The following UPF2 variants were observed in gnomAD, a reference collection of about 807,000 sequenced individuals.
UPF2 encodes the protein regulator of nonsense transcripts 2.
A neutral mutation model predicts 141.4 loss-of-function variants in UPF2; 17 were observed. The ratio of observed to expected loss-of-function variants is 0.12; its 90% CI spans 0.08 to 0.18. The LOEUF (loss-of-function observed/expected upper bound fraction) is 0.18, where lower values mean the gene tolerates loss of function less well. UPF2 is among the 10% of genes least tolerant of loss of function. UPF2 has a pLI of 1.00. For synonymous variants in UPF2, 540 were observed against 498.0 expected (o/e 1.08, Z -1.12); for missense variants, 1,152 against 1,515.9 (o/e 0.76, Z 3.99).
intron 5 of UPF2, among the ~76,000 whole-genome samples, chr10:12,002,519 G>C (rs1833970629): frequency 6.6e-6 from 1 of 152,098 alleles, no homozygotes; most frequent in African/African-American, 2.4e-5. Context: ...CTTTATGCAA[G>C]GGATAATATT....
Position 12,042,755 on chromosome 10 carries a change from C to G in UPF2, c.-19G>C, listed in dbSNP as rs565226313. ...GGGAAGGAGGATCCCCGGGACTCAC[C>G]TCGAGCCTGTTGTCAACATTAGCCC... On this transcript the variant is annotated splice_region_variant and 5_prime_UTR_variant, in exon 1 of 22. Transcript: ENST00000357604. This position sits in a 1 kb window ranked among gnomAD's most constrained non-coding sequence, Gnocchi z 5.5. The G allele has an allele frequency of 6.6e-6, 1 of 152,510 alleles. No individual in the cohort carries two copies. The highest frequency in any genetic ancestry group is 2.4e-5 in the African/African-American group (1 of 41,552). 9.4% of individuals were successfully genotyped at this position (152,510 alleles called of 1,614,324 possible). A position where few individuals can be genotyped will look rare whatever the true frequency, so the allele number is the denominator to read the frequency against.
chr10:11,924,014 C>T (rs1832679982), intron 21 of UPF2, among the ~76,000 whole-genome samples: 1 of 152,158 alleles, frequency 6.6e-6, no homozygotes, highest in Non-Finnish European at 1.5e-5. Flanking sequence ...ACCATCTAAG[C>T]CATGTAAGTA....
chr10:12,026,966 A>G (rs1028035861), intron 3 of UPF2, among the ~76,000 whole-genome samples: 3 of 152,114 alleles, frequency 2.0e-5, no homozygotes, highest in African/African-American at 7.2e-5. Flanking sequence ...AAATTCCTAT[A>G]ATAATTTCTA....
chr10:11,929,149 AAAAT>A (rs1162484075), intron 21 of UPF2, among the ~76,000 whole-genome samples: 1 of 152,268 alleles, frequency 6.6e-6, no homozygotes, highest in Non-Finnish European at 1.5e-5. Flanking sequence ...TGTGTCTCAA[AAAAT>A]AAATAAGTAA....
At chr10:12,026,110 C>T (rs1834415207) in intron 3 of UPF2, among the ~76,000 whole-genome samples, 1 of 152,042 alleles carries the variant, frequency 6.6e-6, no homozygotes, top group African/African-American at 2.4e-5. Flanking sequence ...ATTAATAATA[C>T]ACATGTAATC....
chr10:11,955,470 C>G lies in UPF2; in HGVS notation c.2612G>C (p.Ser871Thr). 1.9e-6 allele frequency: 3 copies of G among 1,613,712 alleles called. No homozygotes were observed. ...GTAAAGTTCTCCTAAGAACTTGGCACTGCTGATGCGCCTCTGATTAAATTT... is the reference window on the plus strand; with the variant it reads ...GTAAAGTTCTCCTAAGAACTTGGCAGTGCTGATGCGCCTCTGATTAAATTT... ...QPKFNQRRIS[S>T]AKFLGELYNY... The change falls in exon 14 of 22, where the codon AGT (serine) becomes ACT (threonine). Residue 871 changes from serine to threonine, a missense_variant. By Grantham distance (58) the Ser-to-Thr change is moderately conservative. Around this residue, in one of 4 missense-constraint regions of UPF2, gnomAD observed 739 missense variants for 1,032.2 expected, o/e 0.72. Coordinates refer to ENST00000357604, the MANE Select transcript of UPF2 (RefSeq NM_015542.4).
chr10:11,969,529 A>C (rs1833380123), intron 9 of UPF2, among the ~76,000 whole-genome samples: 2 of 152,114 alleles, frequency 1.3e-5, no homozygotes, highest in African/African-American at 4.8e-5. Context: ...TTAGCGACAA[A>C]TATAAAATAG....
At chr10:11,933,120 T>C (rs2131155252) in intron 19 of UPF2, among the ~76,000 whole-genome samples, 1 of 152,270 alleles carries the variant, frequency 6.6e-6, no homozygotes, top group South Asian at 2.1e-4. Context: ...TGCAATGTTT[T>C]TTCCCCTAAT....
At chr10:11,961,314 G>C (rs1355747680) in intron 11 of UPF2, among the ~76,000 whole-genome samples, 2 of 151,972 alleles carry the variant, frequency 1.3e-5, no homozygotes, top group Non-Finnish European at 2.9e-5. Flanking sequence ...CGAAACAACA[G>C]AGAACCTACT....
intron 8 of UPF2, among the ~76,000 whole-genome samples, chr10:11,989,302 T>C (rs1833742542): frequency 6.6e-6 from 1 of 152,156 alleles, no homozygotes. Flanking sequence ...AAATTATAGC[T>C]CAATTGATTA....
intron 3 of UPF2, among the ~76,000 whole-genome samples, chr10:12,027,126 G>C (rs189743262): frequency 2.2e-4 from 33 of 152,234 alleles, no homozygotes; most frequent in African/African-American, 6.7e-4. Context: ...ATTTCCACCT[G>C]ATGTAACAAA....
intron 21 of UPF2, among the ~76,000 whole-genome samples, chr10:11,924,548 A>G (rs1411716977): frequency 6.6e-6 from 1 of 152,000 alleles, no homozygotes; most frequent in African/African-American, 2.4e-5. Flanking sequence ...ACTGCACTCC[A>G]GCCTGGGTAA....
intron 3 of UPF2, among the ~76,000 whole-genome samples, chr10:12,024,114 G>A (rs981737534): frequency 2.6e-5 from 4 of 152,110 alleles, no homozygotes; most frequent in Non-Finnish European, 5.9e-5. Context: ...AAACCTTACT[G>A]GAAGAACTAT....
At chr10:11,960,160 G>A (rs1335555813) in intron 11 of UPF2, among the ~76,000 whole-genome samples, 2 of 152,196 alleles carry the variant, frequency 1.3e-5, no homozygotes, top group African/African-American at 4.8e-5. Flanking sequence ...TGCCAGTGGA[G>A]AACCACTGAC....
At chr10:12,030,107 C>T (rs1008593588) in intron 2 of UPF2, among the ~76,000 whole-genome samples, 3 of 151,982 alleles carry the variant, frequency 2.0e-5, no homozygotes, top group Non-Finnish European at 4.4e-5. Flanking sequence ...AATTAAAAAT[C>T]ATTCTGCCAA....
At position 11,980,034 on chromosome 10, in the gene UPF2, C is replaced by G. The variant is rs569960801; in HGVS notation, c.1845-869G>C. Among the ~76,000 whole-genome samples, 24 of 152,316 alleles carry G rather than the reference C, an allele frequency of 1.6e-4. No individual in the cohort carries two copies. The highest frequency in any genetic ancestry group is 3.2e-4 in the Non-Finnish European group (22 of 68,020). Reference sequence around the variant, plus strand: ...TACAGAACCCACTCAGATCTTCATTCAGGATCTTAATTTGGACAGTAAATG... The same window carrying G: ...TACAGAACCCACTCAGATCTTCATTGAGGATCTTAATTTGGACAGTAAATG... On this transcript the variant is annotated intron_variant, in intron 8 of 21. Coordinates refer to ENST00000357604, the MANE Select transcript of UPF2 (RefSeq NM_015542.4). The surrounding 1 kb of genome is among the most constrained non-coding windows in gnomAD (Gnocchi z 4.2).
At chr10:11,993,765 G>C (rs1254400669) in intron 8 of UPF2, among the ~76,000 whole-genome samples, 20 of 152,058 alleles carry the variant, frequency 1.3e-4, no homozygotes, top group Non-Finnish European at 1.6e-4. Flanking sequence ...CTTGAGCCCA[G>C]GAGTTCAAGA....
intron 9 of UPF2, among the ~76,000 whole-genome samples, chr10:11,973,444 C>T (rs1833453931): frequency 6.6e-6 from 1 of 152,186 alleles, no homozygotes; most frequent in African/African-American, 2.4e-5. Context: ...GTGTTTTAGA[C>T]ATGAAGTCCT....
intron 4 of UPF2, 141 bp from the exon 5 acceptor site, chr10:12,004,868 A>G (rs1264085636): frequency 5.4e-6 from 4 of 741,078 alleles, no homozygotes; most frequent in Non-Finnish European, 8.4e-6. Context: ...TAACAAGCAC[A>G]TGTGACCGTT....
Sources: allele counts gnomAD v4.1 joint callset (sites outside exome capture counted in the v4.1 genomes callset), GRCh38; gene constraint gnomAD v4.1.1; regional missense constraint gnomAD v4.1.1; non-coding constraint Gnocchi (gnomAD v3.1); transcripts MANE v1.5; gene names NCBI Gene and HGNC (gene_info 2026-07-23, HGNC 2026-07-21).